Variants in NR1H4 observed in about 807,000 individuals in gnomAD.
NR1H4 encodes the protein nuclear receptor subfamily 1 group H member 4.
In NR1H4, 23 loss-of-function variants were observed where a neutral mutation model predicts 58.5. The observed-to-expected ratio is 0.39, with a 90% confidence interval of 0.28 to 0.56. The LOEUF (loss-of-function observed/expected upper bound fraction) is 0.56. NR1H4 is among the 20% of genes least tolerant of loss of function. The pLI is 0.58. For missense variants in NR1H4, 487 were observed against 576.9 expected, an observed-to-expected ratio of 0.84 and a Z score of 1.60; for synonymous variants, 214 against 198.0, an observed-to-expected ratio of 1.08 and a Z score of -0.68.
chr12:100,512,706 G>A (rs2136165323), intron 4 of NR1H4, among the ~76,000 whole-genome samples: 1 of 151,620 alleles, frequency 6.6e-6, no homozygotes, highest in Admixed American at 6.6e-5. Context: ...ACAGATAATC[G>A]TGGTATTTAT....
chr12:100,483,183 C>T (rs1953418346), intron 1 of NR1H4, among the ~76,000 whole-genome samples: 1 of 152,052 alleles, frequency 6.6e-6, no homozygotes, highest in South Asian at 2.1e-4. Context: ...ACCTCAGCCT[C>T]CCAAAGTGCT....
intron 3 of NR1H4, chr12:100,505,529 G>A (rs1953939273): frequency 1.4e-6 from 1 of 693,366 alleles, no homozygotes; most frequent in Non-Finnish European, 2.6e-6. Context: ...AGAAGGTGTT[G>A]AAACCTGGAG....
At chr12:100,536,151 G>A (rs1954807328) in intron 6 of NR1H4, among the ~76,000 whole-genome samples, 1 of 151,630 alleles carries the variant, frequency 6.6e-6, no homozygotes, top group Non-Finnish European at 1.5e-5. Context: ...ATTCATAGTA[G>A]TCATACTATA....
rs1954091736 is a variant in NR1H4 at position 100,510,808 on chromosome 12, T to C, written c.110T>C (p.Leu37Pro). The C allele has an allele frequency of 1.9e-6, 3 of 1,613,978 alleles. No homozygotes were observed. Among genetic ancestry groups the C allele is most frequent in the Non-Finnish European group, 2.5e-6 (3 of 1,180,006 alleles). ...GVLTEQVAGP[L>P]GQNLEVEPYS... ...TTAACAGAACAAGTGGCAGGTCCTC[T>C]GGGACAGAACCTGGAAGTGGAACCA... Residue 37 changes from leucine (L) to proline (P), a missense_variant, in exon 4 of 11, where the codon CTG (leucine) becomes CCG (proline). Coordinates refer to ENST00000392986, the MANE Select transcript of NR1H4 (RefSeq NM_001206979.2).
chr12:100,559,810 G>T (rs1955423999), intron 9 of NR1H4, among the ~76,000 whole-genome samples: 1 of 152,266 alleles, frequency 6.6e-6, no homozygotes, highest in Admixed American at 6.5e-5. Flanking sequence ...TGCAGCCCTG[G>T]TGCCGGATCC....
At position 100,493,359 on chromosome 12, in the gene NR1H4, T is replaced by C; in HGVS notation, c.36T>C (p.His12=). Residue 12 remains histidine (H), a synonymous_variant, in exon 3 of 11, where the codon CAT becomes CAC. Transcript: ENST00000392986. ...AAATGAATCTCATTGAACATTCCCA[T>C]TTACCTACCACAGATGAATTTTCTT... ...GSKMNLIEHS[H]LPTTDEFSFS... The C allele has an allele frequency of 6.3e-7, 1 of 1,579,478 alleles. No homozygotes were observed. Among genetic ancestry groups the C allele is most frequent in the South Asian group, 1.1e-5 (1 of 88,616 alleles).
At chr12:100,507,079 A>C (rs1457104228) in intron 3 of NR1H4, among the ~76,000 whole-genome samples, 1 of 152,210 alleles carries the variant, frequency 6.6e-6, no homozygotes, top group African/African-American at 2.4e-5. Context: ...ATCTCCTTGG[A>C]TGCTACAGAA....
chr12:100,537,863 A>G (rs1004040425), intron 8 of NR1H4, among the ~76,000 whole-genome samples: 1 of 152,102 alleles, frequency 6.6e-6, no homozygotes, highest in Non-Finnish European at 1.5e-5. Context: ...ACAGGCACAC[A>G]CCACCATGCC....
chr12:100,528,185 A>C (rs1954608569), intron 4 of NR1H4, among the ~76,000 whole-genome samples: 1 of 152,192 alleles, frequency 6.6e-6, no homozygotes, highest in Admixed American at 6.5e-5. Flanking sequence ...CAGTCACTGG[A>C]GTCTGGCACG....
intron 9 of NR1H4, among the ~76,000 whole-genome samples, chr12:100,547,415 G>C (rs1955095957): frequency 6.6e-6 from 1 of 152,112 alleles, no homozygotes; most frequent in Admixed American, 6.6e-5. Context: ...ATTCCAGCAA[G>C]TGGGGAGGGC....
intron 7 of NR1H4, 90 bp from the exon 8 acceptor site, chr12:100,536,858 A>C: frequency 1.2e-6 from 1 of 826,036 alleles, no homozygotes; most frequent in Non-Finnish European, 2.0e-6. Context: ...AAATTTTATC[A>C]TCTAAACCTA....
At chr12:100,556,921 A>G (rs1955341794) in intron 9 of NR1H4, among the ~76,000 whole-genome samples, 1 of 152,216 alleles carries the variant, frequency 6.6e-6, no homozygotes, top group Admixed American at 6.5e-5. Context: ...ATACTTCGGG[A>G]TCTTTTACTA....
chr12:100,552,036 C>T (rs970208355), intron 9 of NR1H4, among the ~76,000 whole-genome samples: 1 of 152,180 alleles, frequency 6.6e-6, no homozygotes, highest in African/African-American at 2.4e-5. Context: ...TTGGTTGAAT[C>T]CATGGATACA....
intron 3 of NR1H4, among the ~76,000 whole-genome samples, chr12:100,495,957 G>A (rs561209950): frequency 5.9e-5 from 9 of 152,232 alleles, no homozygotes; most frequent in African/African-American, 2.2e-4. Flanking sequence ...TCTAAGCTAC[G>A]CCAGGGGTTC....
At chr12:100,476,401 C>G (rs1427056752) in intron 1 of NR1H4, among the ~76,000 whole-genome samples, 1 of 152,122 alleles carries the variant, frequency 6.6e-6, no homozygotes, top group Non-Finnish European at 1.5e-5. Context: ...TTGTTTTAAC[C>G]CAGAGACCAG....
chr12:100,516,615 C>CT (rs992709391), intron 4 of NR1H4, among the ~76,000 whole-genome samples: 2 of 152,194 alleles, frequency 1.3e-5, no homozygotes, highest in African/African-American at 4.8e-5. Context: ...ATCCGCCCGC[C>CT]TCGGCCTCCC....
At chr12:100,552,920 TA>T (rs397958763) in intron 9 of NR1H4, among the ~76,000 whole-genome samples, 276 of 108,846 alleles carry the variant, frequency 2.5e-3, no homozygotes, top group African/African-American at 4.3e-3. Flanking sequence ...GATTCTGTCA[TA>T]AAAAAAAAAA....
chr12:100,556,244 G>T (rs1955320224), intron 9 of NR1H4, among the ~76,000 whole-genome samples: 1 of 152,064 alleles, frequency 6.6e-6, no homozygotes, highest in African/African-American at 2.4e-5. Flanking sequence ...GAGGCGGGTG[G>T]ATCACCTGAG....
chr12:100,532,133 C>G (rs569522061), intron 4 of NR1H4, among the ~76,000 whole-genome samples: 2 of 152,258 alleles, frequency 1.3e-5, no homozygotes, highest in South Asian at 4.2e-4. Flanking sequence ...TGCCTTTGTA[C>G]CCTCTGCACT....
Sources: allele counts gnomAD v4.1 joint callset (sites outside exome capture counted in the v4.1 genomes callset), GRCh38; gene constraint gnomAD v4.1.1; transcripts MANE v1.5; gene names NCBI Gene and HGNC (gene_info 2026-07-23, HGNC 2026-07-21).